Variants in NLGN1 observed in about 807,000 individuals in gnomAD.
NLGN1 encodes neuroligin-1.
In NLGN1, 12 loss-of-function variants were observed where a neutral mutation model predicts 65.5. The observed-to-expected ratio is 0.18, with a 90% confidence interval of 0.12 to 0.30. The LOEUF is 0.30. Among genes scored for constraint, NLGN1 ranks in the 10% least tolerant of loss-of-function variants. The probability of loss-of-function intolerance (pLI) is 1.00; values close to 1 mark genes in which losing one functional copy is unlikely to be tolerated. For synonymous variants in NLGN1, 350 were observed against 359.5 expected (o/e 0.97, Z 0.30); for missense variants, 750 against 1,007.1 (o/e 0.74, Z 3.46).
chr3:173,423,956 C>T (rs901487382), intron 1 of NLGN1, among the ~76,000 whole-genome samples: 12 of 152,136 alleles, frequency 7.9e-5, no homozygotes, highest in African/African-American at 1.2e-4. Flanking sequence ...CCCTGGACAT[C>T]GAGGCATTTT....
intron 3 of NLGN1, among the ~76,000 whole-genome samples, chr3:173,807,300 G>T (rs762442607): frequency 1.2e-4 from 18 of 152,084 alleles, no homozygotes; most frequent in Non-Finnish European, 2.5e-4. Flanking sequence ...TTAGTTTATG[G>T]CTCATAATGT....
chr3:173,916,824 A>G lies in NLGN1; in HGVS notation c.646+108992A>G, dbSNP rs190704874. 4.2e-4 allele frequency among the ~76,000 whole-genome samples: 64 copies of G among 152,334 alleles called. 1 individual carries two copies. The East Asian group carries it at 8.5e-3, about 20-fold the overall frequency. ...TTGCTGAATACTGAGAGCAAATCTA[A>G]AATGCCTTAATTAGTAAAATTTTTA... On this transcript the variant is annotated intron_variant, in intron 4 of 6. Transcript: ENST00000457714.
intron 4 of NLGN1, among the ~76,000 whole-genome samples, chr3:174,260,096 G>A (rs971828149): frequency 6.6e-6 from 1 of 151,950 alleles, no homozygotes; most frequent in African/African-American, 2.4e-5. Flanking sequence ...GTTGGACATT[G>A]GGGTTGGTTC....
intron 4 of NLGN1, among the ~76,000 whole-genome samples, chr3:173,821,967 ATAATTCTCAAAATATT>A (rs1291598796): frequency 6.6e-6 from 1 of 152,150 alleles, no homozygotes; most frequent in Non-Finnish European, 1.5e-5. Context: ...GAAAAGGCAA[ATAATTCTCAAAATATT>A]TTCCAAGTTG....
chr3:173,835,491 ATT>A (rs1316061302), intron 4 of NLGN1, among the ~76,000 whole-genome samples: 1 of 151,830 alleles, frequency 6.6e-6, no homozygotes, highest in Non-Finnish European at 1.5e-5. Flanking sequence ...GAAAAGTAAT[ATT>A]TCATGTTTAA....
chr3:174,259,496 A>G (rs1034281775), intron 4 of NLGN1, among the ~76,000 whole-genome samples: 1 of 152,020 alleles, frequency 6.6e-6, no homozygotes, highest in Admixed American at 6.6e-5. Context: ...TGTATTAGCA[A>G]TTAAAAAAAA....
chr3:174,281,006 A>G, exon 7 of NLGN1: 10 of 1,613,362 alleles, frequency 6.2e-6, no homozygotes, highest in Non-Finnish European at 8.5e-6. Context: ...TAACCCATGC[A>G]CAAGAAGAGG....
chr3:173,878,699 C>A (rs1471898058), intron 4 of NLGN1, among the ~76,000 whole-genome samples: 3 of 150,388 alleles, frequency 2.0e-5, no homozygotes, highest in Non-Finnish European at 4.4e-5. Context: ...TATATATACA[C>A]ATACATATAT....
At chr3:173,684,239 T>A (rs181090436) in intron 3 of NLGN1, among the ~76,000 whole-genome samples, 186 of 152,288 alleles carry the variant, frequency 1.2e-3, no homozygotes, top group African/African-American at 4.3e-3. Context: ...TTTTTTAAAT[T>A]CTAGTGTCAT....
rs538910398 is a variant in NLGN1 at position 174,077,546 on chromosome 3, CTTTT to C, written c.647-197768_647-197765del. Reference sequence around the variant, plus strand: ...AGACTTTTAGCTTCTTTCTTTCTTTCTTTTCTTTTTATTTATTTATTTATTTTTT... The same window carrying C: ...AGACTTTTAGCTTCTTTCTTTCTTTCCTTTTTATTTATTTATTTATTTTTT... On this transcript the variant is annotated intron_variant, in intron 4 of 6. Transcript: ENST00000457714. Among the ~76,000 whole-genome samples, 106 of 151,168 alleles carry C rather than the reference CTTTT, an allele frequency of 7.0e-4. 1 individual carries two copies. The highest frequency in any genetic ancestry group is 8.0e-4 in the Non-Finnish European group (54 of 67,866).
rs150083726 is a variant in NLGN1, at chr3:174,280,694, G to T, written c.1863G>T (p.Gln621His). 6.2e-7 allele frequency: 1 copy of T among 1,613,304 alleles called. No homozygotes were observed. The highest frequency in any genetic ancestry group is 1.1e-5 in the South Asian group (1 of 91,082). The change falls in exon 7 of 7, where the codon CAG (glutamine) becomes CAT (histidine). Residue 621 changes from glutamine (Q) to histidine (H), a missense_variant. Coordinates refer to ENST00000457714, the Ensembl canonical transcript of NLGN1. This position sits in a 1 kb window ranked among gnomAD's most constrained non-coding sequence, Gnocchi z 4.9. ...TGCATAATCTCAATGACATTTCTCA[G>T]TATACCTCTACAACAACTAAAGTGC...
intron 4 of NLGN1, among the ~76,000 whole-genome samples, chr3:173,887,841 C>A (rs1323559501): frequency 6.6e-6 from 1 of 151,628 alleles, no homozygotes; most frequent in Non-Finnish European, 1.5e-5. Flanking sequence ...AATTTTCACT[C>A]AGAAAATTTG....
intron 4 of NLGN1, among the ~76,000 whole-genome samples, chr3:173,906,710 G>A (rs1270521439): frequency 2.0e-5 from 3 of 151,718 alleles, no homozygotes; most frequent in Non-Finnish European, 4.4e-5. Context: ...ATGTTAGCCA[G>A]GCATAGTAGG....
At chr3:173,933,061 C>G (rs527358964) in intron 4 of NLGN1, among the ~76,000 whole-genome samples, 73 of 152,126 alleles carry the variant, frequency 4.8e-4, no homozygotes, top group African/African-American at 1.7e-3. Flanking sequence ...CTGAGACAGG[C>G]AACAGAAAAG....
At chr3:174,082,880 C>T (rs1165972548) in intron 4 of NLGN1, among the ~76,000 whole-genome samples, 1 of 151,954 alleles carries the variant, frequency 6.6e-6, no homozygotes, top group Non-Finnish European at 1.5e-5. Context: ...ACCACCACGC[C>T]CGGCTAATTT....
At chr3:173,843,311 A>G (rs1031353703) in intron 4 of NLGN1, among the ~76,000 whole-genome samples, 2 of 147,822 alleles carry the variant, frequency 1.4e-5, no homozygotes, top group African/African-American at 2.7e-5. Context: ...CCCCGAAGAC[A>G]TTTTTCCTAT....
chr3:173,427,773 AAT>A (rs1716402686), intron 1 of NLGN1, among the ~76,000 whole-genome samples: 1 of 151,782 alleles, frequency 6.6e-6, no homozygotes, highest in African/African-American at 2.4e-5. Context: ...TGATGAAAAT[AAT>A]ATGTATTCTT....
intron 3 of NLGN1, among the ~76,000 whole-genome samples, chr3:173,805,446 T>G (rs1383795246): frequency 6.6e-6 from 1 of 152,092 alleles, no homozygotes; most frequent in African/African-American, 2.4e-5. Flanking sequence ...CAAAGAAAAA[T>G]AAAGAGATAC....
At chr3:173,823,424 A>G (rs922228643) in intron 4 of NLGN1, among the ~76,000 whole-genome samples, 2 of 152,038 alleles carry the variant, frequency 1.3e-5, no homozygotes, top group Admixed American at 6.6e-5. Context: ...GTCAACATAA[A>G]TTTATTACCA....
Sources: gnomAD v4.1 joint callset for allele counts (sites outside exome capture counted in the v4.1 genomes callset) on GRCh38, gnomAD v4.1.1 for gene constraint, Gnocchi (gnomAD v3.1) non-coding constraint, MANE v1.5 for transcripts, NCBI Gene and HGNC (gene_info 2026-07-23, HGNC 2026-07-21) for gene names.